LTBP4: variants seen among roughly 807,000 people sequenced by gnomAD.
The protein encoded by LTBP4 is latent-transforming growth factor beta-binding protein 4.
A neutral mutation model predicts 180.2 loss-of-function variants in LTBP4; 93 were observed. The observed-to-expected ratio is 0.52, with a 90% confidence interval of 0.44 to 0.61. The LOEUF (loss-of-function observed/expected upper bound fraction) is 0.61, where lower values mean the gene tolerates loss of function less well. Ranked by LOEUF, LTBP4 falls within the 20% of genes least tolerant of loss-of-function variation. The probability of loss-of-function intolerance (pLI) is 0.00; values close to 1 mark genes in which losing one functional copy is unlikely to be tolerated. For synonymous variants in LTBP4, 947 were observed against 934.5 expected (o/e 1.01, Z -0.24); for missense variants, 2,116 against 2,256.5 (o/e 0.94, Z 1.26).
rs1216684664 is a variant in LTBP4, at chr19:40,623,110, TTC to T, written c.3556+91_3556+92del. On this transcript the variant is annotated intron_variant, in intron 24 of 29. Coordinates refer to ENST00000396819, the MANE Select transcript of LTBP4 (RefSeq NM_001042545.2). ...TTTCTTTGCCTCTGTCTCTCACCCT[TTC>T]TGTTTCTCTGTATCTGTCTCCCCGA... 61 of 973,664 alleles carry T rather than the reference TTC, an allele frequency of 6.3e-5. No individual in the cohort carries two copies. The East Asian group carries it at 1.6e-3, about 26-fold the overall frequency. 60.3% of individuals were successfully genotyped at this position (973,664 alleles called of 1,614,324 possible). A position where few individuals can be genotyped will look rare whatever the true frequency, so the allele number is the denominator to read the frequency against.
chr19:40,601,647 G>T lies in LTBP4; in HGVS notation c.250+10G>T. 7.4e-7 allele frequency: 1 copy of T among 1,355,450 alleles called. No individual in the cohort carries two copies. Among genetic ancestry groups the T allele is most frequent in the Non-Finnish European group, 9.4e-7 (1 of 1,059,302 alleles). 84.0% of individuals were successfully genotyped at this position (1,355,450 alleles called of 1,614,324 possible). Reference sequence around the variant, plus strand: ...CCCGGCTTCCGCGCCTGTGAGTGCGGGGTGGTGGTCCCGAGAGAGCGGCTC... The same window carrying T: ...CCCGGCTTCCGCGCCTGTGAGTGCGTGGTGGTGGTCCCGAGAGAGCGGCTC... On this transcript the variant is annotated intron_variant, in intron 1 of 29. Transcript: ENST00000396819.
At chr19:40,600,541 G>A (rs764659217), upstream of LTBP4, among the ~76,000 whole-genome samples, 8 of 152,200 alleles carry the variant, frequency 5.3e-5, no homozygotes, top group Non-Finnish European at 1.2e-4. The surrounding 1 kb of genome is among the most constrained non-coding windows in gnomAD (Gnocchi z 4.4). Flanking sequence ...CAAGATTGTG[G>A]GGCGGCTGGG....
At position 40,622,958 on chromosome 19, in the gene LTBP4, C is replaced by G. The variant is rs1276749266; in HGVS notation, c.3493C>G (p.Gln1165Glu). The change falls in exon 24 of 30, where the codon CAG (glutamine) becomes GAG (glutamate). Residue 1165 changes from glutamine to glutamate, a missense_variant. Gln to Glu is a conservative substitution (Grantham distance 29, BLOSUM62 2). Transcript: ENST00000396819. The surrounding 1 kb of genome is among the most constrained non-coding windows in gnomAD (Gnocchi z 5.1). ...CTTGTCTCTGTGTGTAGCTGAGTAC[C>G]AGTCATTGTGCCCTCACGGCCGGGG... ...QCPGTETAEYQSLCPHGRGYL... is the reference protein window; with the variant it reads ...QCPGTETAEYESLCPHGRGYL... The G allele has an allele frequency of 6.2e-7, 1 of 1,613,288 alleles. No homozygotes were observed. Among genetic ancestry groups the G allele is most frequent in the Admixed American group, 1.7e-5 (1 of 59,936 alleles).
At chr19:40,602,954 C>G (rs2081434747) in intron 1 of LTBP4, among the ~76,000 whole-genome samples, 1 of 152,134 alleles carries the variant, frequency 6.6e-6, no homozygotes, top group African/African-American at 2.4e-5. Flanking sequence ...AGTTAAGCCT[C>G]TCCTAGGCCC....
rs2081490145 is a variant in LTBP4, at chr19:40,609,691, C to T, written c.1558+30C>T. The T allele has an allele frequency of 1.2e-6, 2 of 1,611,756 alleles. No homozygotes were observed. The highest frequency in any genetic ancestry group is 1.7e-5 in the Admixed American group (1 of 59,938). On this transcript the variant is annotated intron_variant, in intron 10 of 29. Transcript: ENST00000396819. The surrounding 1 kb of genome is among the most constrained non-coding windows in gnomAD (Gnocchi z 4.9). The stretch of plus-strand genomic sequence containing the variant: ...GCAAGACGGAGGGCGCGGAAGGAGG[C>T]GGGGCGGGGGGCTTTGCCTGGTCAC...
chr19:40,627,807 G>GC lies in LTBP4; in HGVS notation c.4471dup (p.Arg1491ProfsTer17). On this transcript the variant is annotated frameshift_variant, in exon 29 of 30. Coordinates refer to ENST00000396819, the MANE Select transcript of LTBP4 (RefSeq NM_001042545.2). LOFTEE classifies it high-confidence loss of function. ...GTGCGCGTCCCCGAAGGCTTCACCTGCCGTTGCTTCGACGGCTACCGCCTG... is the reference window on the plus strand; with the variant it reads ...GTGCGCGTCCCCGAAGGCTTCACCTGCCCGTTGCTTCGACGGCTACCGCCTG... The GC allele has an allele frequency of 1.3e-6, 2 of 1,572,924 alleles. No individual in the cohort carries two copies. Among genetic ancestry groups the GC allele is most frequent in the Non-Finnish European group, 1.7e-6 (2 of 1,164,054 alleles).
Position 40,608,802 on chromosome 19 carries a change from T to C in LTBP4, c.1426+199T>C, listed in dbSNP as rs575290558. 5.6e-6 allele frequency: 3 copies of C among 535,748 alleles called. No homozygotes were observed. In the East Asian group the frequency reaches 1.1e-4, roughly 19 times the overall value. The allele number at this position is 535,748 out of a possible 1,614,324, so 33.2% of individuals were successfully genotyped here. A position where few individuals can be genotyped will look rare whatever the true frequency, so the allele number is the denominator to read the frequency against. On this transcript the variant is annotated intron_variant, in intron 9 of 29. Transcript: ENST00000396819. ...GGCAGATGCCTGTAATCCCAGCTACTTGGGAGGCTGAGGCAGGAGAATCAC... is the reference window on the plus strand; with the variant it reads ...GGCAGATGCCTGTAATCCCAGCTACCTGGGAGGCTGAGGCAGGAGAATCAC...
chr19:40,627,580 C>A, intron 28 of LTBP4, 125 bp from the exon 29 acceptor site: 1 of 1,356,634 alleles, frequency 7.4e-7, no homozygotes, highest in Non-Finnish European at 9.9e-7. Flanking sequence ...CAGCACCCGC[C>A]ACAGCCCTGG....
In LTBP4 at chr19:40,623,694, A is replaced by AGTAGTATGTGGTAG. The variant is rs1297183592; in HGVS notation, c.3647_3648insGTAGTATGTGGTAG (p.Asn1216LysfsTer2). 1 of 1,613,780 alleles carries AGTAGTATGTGGTAG rather than the reference A, an allele frequency of 6.2e-7. No homozygotes were observed. The highest frequency in any genetic ancestry group is 1.3e-5 in the African/African-American group (1 of 74,882). On this transcript the variant is annotated stop_gained and frameshift_variant, in exon 25 of 30. Coordinates refer to ENST00000396819, the MANE Select transcript of LTBP4 (RefSeq NM_001042545.2). LOFTEE classifies it high-confidence loss of function. The stretch of plus-strand genomic sequence containing the variant: ...CCGGGCTACTCATGCTATTGCAGCA[A>AGTAGTATGTGGTAG]CGGCTACTACTACCACACACAGCGG...
intron 1 of LTBP4, among the ~76,000 whole-genome samples, chr19:40,593,702 AT>A (rs5828072): frequency 1.3e-5 from 2 of 150,184 alleles, no homozygotes; most frequent in African/African-American, 2.5e-5. Context: ...TATTAGAGTC[AT>A]TTTTTTTTCC....
intron 27 of LTBP4, 141 bp from the exon 28 acceptor site, chr19:40,626,834 C>A (rs1379038196): frequency 1.1e-5 from 11 of 1,030,694 alleles, no homozygotes; most frequent in Non-Finnish European, 1.3e-5. Flanking sequence ...CCTTCAGATT[C>A]TCAGCGCTGG....
rs1415810831 is a variant in LTBP4 at position 40,609,706 on chromosome 19, T to G, written c.1559-40T>G. The G allele has an allele frequency of 6.2e-7, 1 of 1,611,518 alleles. No homozygotes were observed. On this transcript the variant is annotated intron_variant, in intron 10 of 29. Transcript: ENST00000396819. The surrounding 1 kb of genome is among the most constrained non-coding windows in gnomAD (Gnocchi z 4.9). Reference sequence around the variant, plus strand: ...CGGAAGGAGGCGGGGCGGGGGGCTTTGCCTGGTCACCTTGTCACCAGCCCC... The same window carrying G: ...CGGAAGGAGGCGGGGCGGGGGGCTTGGCCTGGTCACCTTGTCACCAGCCCC...
chr19:40,613,953 C>T lies in LTBP4; in HGVS notation c.2595C>T (p.Ser865=). 1 of 1,613,682 alleles carries T rather than the reference C, an allele frequency of 6.2e-7. No individual in the cohort carries two copies. The highest frequency in any genetic ancestry group is 1.1e-5 in the South Asian group (1 of 91,064). Residue 865 remains serine (S), a synonymous_variant, in exon 18 of 30, where the codon AGC becomes AGT. Coordinates refer to ENST00000396819, the MANE Select transcript of LTBP4 (RefSeq NM_001042545.2). The surrounding 1 kb of genome is among the most constrained non-coding windows in gnomAD (Gnocchi z 5.0). ...DECSEEDLCQ[S]GICTNTDGSF... ...GCAGCGAGGAGGACCTTTGCCAGAGCGGCATCTGTACCAACACCGACGGCT... is the reference window on the plus strand; with the variant it reads ...GCAGCGAGGAGGACCTTTGCCAGAGTGGCATCTGTACCAACACCGACGGCT...
chr19:40,618,701 A>G (rs1340670490), intron 21 of LTBP4, among the ~76,000 whole-genome samples: 1 of 152,216 alleles, frequency 6.6e-6, no homozygotes, highest in Non-Finnish European at 1.5e-5. Context: ...TTCAACGTTC[A>G]ATTTATATAC....
In LTBP4 at chr19:40,629,570, G is replaced by C. The variant is rs1051481; in HGVS notation, c.*20G>C. On this transcript the variant is annotated 3_prime_UTR_variant, in exon 30 of 30. Coordinates refer to ENST00000396819, the MANE Select transcript of LTBP4 (RefSeq NM_001042545.2). The surrounding 1 kb of genome is among the most constrained non-coding windows in gnomAD (Gnocchi z 4.5). ...GCCTGAGCCCTGGCACCCGCTGGCC[G>C]CCCACCCGCGCCCGCCACTCGGGGC... 6 of 1,356,754 alleles carry C rather than the reference G, an allele frequency of 4.4e-6. No individual in the cohort carries two copies. In the Middle Eastern group the frequency reaches 1.6e-3, roughly 352 times the overall value. 84.0% of individuals were successfully genotyped at this position (1,356,754 alleles called of 1,614,324 possible). A position where few individuals can be genotyped will look rare whatever the true frequency, so the allele number is the denominator to read the frequency against.
upstream of LTBP4, chr19:40,599,873 C>G: frequency 2.0e-6 from 1 of 502,936 alleles, no homozygotes; most frequent in East Asian, 3.2e-5. Context: ...TTTCTCTCCC[C>G]CAACCCCCAT....
At chr19:40,598,106 C>A (rs2081400657), upstream of LTBP4, among the ~76,000 whole-genome samples, 1 of 152,126 alleles carries the variant, frequency 6.6e-6, no homozygotes, top group South Asian at 2.1e-4. Context: ...AGCCGTCTGC[C>A]CAGCACCCCC....
intron 11 of LTBP4, 164 bp from the exon 12 acceptor site, chr19:40,610,368 A>G: frequency 1.3e-6 from 1 of 760,268 alleles, no homozygotes; most frequent in Non-Finnish European, 2.1e-6. Context: ...GCCCTCCACA[A>G]TTGCCTCTCT....
chr19:40,613,576 C>T lies in LTBP4; in HGVS notation c.2557+47C>T. 6.5e-7 allele frequency: 1 copy of T among 1,547,734 alleles called. No homozygotes were observed. Among genetic ancestry groups the T allele is most frequent in the Non-Finnish European group, 8.7e-7 (1 of 1,149,228 alleles). ...GGCCCCGGAAAGGGTGGGCTTAGGG[C>T]AGGAAAAGGCGGGACGGGGAGAAGA... is the stretch of plus-strand genomic sequence containing the variant. On this transcript the variant is annotated intron_variant, in intron 17 of 29. Transcript: ENST00000396819. The surrounding 1 kb of genome is among the most constrained non-coding windows in gnomAD (Gnocchi z 5.0).
Sources: gnomAD v4.1 joint callset for allele counts (sites outside exome capture counted in the v4.1 genomes callset) on GRCh38, gnomAD v4.1.1 for gene constraint, Gnocchi (gnomAD v3.1) non-coding constraint, MANE v1.5 for transcripts, NCBI Gene and HGNC (gene_info 2026-07-23, HGNC 2026-07-21) for gene names.